Variants in LAMC1 observed in about 807,000 individuals in gnomAD.
The protein encoded by LAMC1 is laminin subunit gamma 1, also known as laminin subunit gamma-1.
A neutral mutation model predicts 173.6 loss-of-function variants in LAMC1; 38 were observed. That is an observed-to-expected ratio of 0.22 (90% CI 0.17 to 0.29). The LOEUF (loss-of-function observed/expected upper bound fraction) is 0.29. LAMC1 is among the 10% of genes least tolerant of loss of function. The pLI, the probability that LAMC1 is intolerant of heterozygous loss-of-function variation, is 1.00. For synonymous variants in LAMC1, 746 were observed against 749.1 expected, an observed-to-expected ratio of 1.00 and a Z score of 0.07; for missense variants, 1,824 against 2,051.8, an observed-to-expected ratio of 0.89 and a Z score of 2.14.
chr1:183,118,244 CT>C (rs1282060606), intron 11 of LAMC1, 98 bp downstream of exon 11: 1 of 683,234 alleles, frequency 1.5e-6, no homozygotes, highest in Non-Finnish European at 2.6e-6. Flanking sequence ...TAATATAACA[CT>C]GAGAAGTGTA....
At position 183,143,852 on chromosome 1, in the gene LAMC1, G is replaced by A. The variant is rs1657184129; in HGVS notation, c.*1062G>A. 6.6e-6 allele frequency: 1 copy of A among 152,186 alleles called. No homozygotes were observed. Among genetic ancestry groups the A allele is most frequent in the Non-Finnish European group, 1.5e-5 (1 of 68,040 alleles). The allele number at this position is 152,186 out of a possible 1,614,324, so 9.4% of individuals were successfully genotyped here. A position where few individuals can be genotyped will look rare whatever the true frequency, so the allele number is the denominator to read the frequency against. ...CCATTTGTTCTTCTGTTGGAGAGAT[G>A]AGACATTTGACCCTTAGCTCCAGTT... On this transcript the variant is annotated 3_prime_UTR_variant, in exon 28 of 28. Transcript: ENST00000258341.
At chr1:183,042,046 A>T (rs1654149261) in intron 1 of LAMC1, among the ~76,000 whole-genome samples, 1 of 152,220 alleles carries the variant, frequency 6.6e-6, no homozygotes, top group Non-Finnish European at 1.5e-5. Flanking sequence ...AGAGTAAGTC[A>T]CTGTATCAAA....
At chr1:183,076,079 G>A (rs191594885) in intron 1 of LAMC1, among the ~76,000 whole-genome samples, 10 of 152,296 alleles carry the variant, frequency 6.6e-5, no homozygotes, top group African/African-American at 2.2e-4. Flanking sequence ...CATAAGCAAT[G>A]GCTCATAAAA....
At chr1:183,133,027 C>T (rs570095841) in intron 21 of LAMC1, among the ~76,000 whole-genome samples, 6 of 152,222 alleles carry the variant, frequency 3.9e-5, no homozygotes, top group South Asian at 2.1e-4. Context: ...TCTCCTGCCT[C>T]GGCCTCCTGA....
chr1:183,040,303 CA>C (rs1654093728), intron 1 of LAMC1, among the ~76,000 whole-genome samples: 1 of 152,134 alleles, frequency 6.6e-6, no homozygotes, highest in Non-Finnish European at 1.5e-5. Flanking sequence ...ATAATGGACA[CA>C]TGGGAGTTTG....
rs1308179212 is a variant in LAMC1, at chr1:183,099,051, T to A, written c.419-4277T>A. 7.9e-5 allele frequency among the ~76,000 whole-genome samples: 12 copies of A among 152,070 alleles called. No individual in the cohort carries two copies. In the East Asian group the frequency reaches 2.3e-3, roughly 29 times the overall value. On this transcript the variant is annotated intron_variant, in intron 1 of 27. Coordinates refer to ENST00000258341, the MANE Select transcript of LAMC1 (RefSeq NM_002293.4). ...AGACTACATGGTAGATTAACTACACTCACTGTGTCTGCCTGCTGTCTATTC... is the reference window on the plus strand; with the variant it reads ...AGACTACATGGTAGATTAACTACACACACTGTGTCTGCCTGCTGTCTATTC...
chr1:183,123,710 TTTA>T (rs1656543677), intron 13 of LAMC1, among the ~76,000 whole-genome samples: 1 of 152,214 alleles, frequency 6.6e-6, no homozygotes, highest in South Asian at 2.1e-4. Flanking sequence ...AGTAATCTTG[TTTA>T]TTTGTATGTC....
intron 26 of LAMC1, among the ~76,000 whole-genome samples, chr1:183,140,101 G>A (rs729672): frequency 0.51 from 76,707 of 150,816 alleles, 20,312 homozygotes; most frequent in South Asian, 0.64. Context: ...ATATATTATT[G>A]AGTTAGAATG....
intron 26 of LAMC1, chr1:183,138,623 A>G (rs1454638177): frequency 6.6e-6 from 1 of 152,204 alleles, no homozygotes; most frequent in Non-Finnish European, 1.5e-5. Flanking sequence ...TAATCTCAGT[A>G]AAAACTCTAG....
intron 13 of LAMC1, among the ~76,000 whole-genome samples, chr1:183,122,840 G>A (rs918208562): frequency 6.6e-6 from 1 of 152,092 alleles, no homozygotes; most frequent in Non-Finnish European, 1.5e-5. Flanking sequence ...TCATTGATGA[G>A]CCAAATCAGC....
intron 1 of LAMC1, among the ~76,000 whole-genome samples, chr1:183,034,293 T>C (rs1017902650): frequency 4.0e-5 from 6 of 151,862 alleles, no homozygotes; most frequent in African/African-American, 4.8e-5. Flanking sequence ...TTTTCTGAGA[T>C]GGAGTCTCAC....
intron 27 of LAMC1, 30 bp downstream of exon 27, chr1:183,140,533 T>C (rs1657085533): frequency 6.9e-7 from 1 of 1,445,302 alleles, no homozygotes; most frequent in Non-Finnish European, 9.7e-7. Context: ...TTTTTGTCAG[T>C]CTCTGAATCT....
intron 23 of LAMC1, 72 bp downstream of exon 23, chr1:183,134,881 G>A (rs1656894485): frequency 6.8e-7 from 1 of 1,477,936 alleles, no homozygotes; most frequent in Non-Finnish European, 9.3e-7. Flanking sequence ...CTGTGATGAT[G>A]CCGTACTTTC....
rs1389427964 is a variant in LAMC1, at chr1:183,122,075, G to C, written c.2225G>C (p.Cys742Ser). The part of the protein sequence containing the change: ...TCDPETGVCN[C>S]RDNTAGPHCE... ...GCCTTCCAAATAGGTGTTTGTAACTGCAGAGACAATACGGCTGGCCCGCAC... is the reference window on the plus strand; with the variant it reads ...GCCTTCCAAATAGGTGTTTGTAACTCCAGAGACAATACGGCTGGCCCGCAC... The change falls in exon 13 of 28, where the codon TGC (cysteine) becomes TCC (serine). Residue 742 changes from cysteine to serine, a missense_variant. By Grantham distance (112) the Cys-to-Ser change is moderately radical. Transcript: ENST00000258341. 1 of 1,613,586 alleles carries C rather than the reference G, an allele frequency of 6.2e-7. No individual in the cohort carries two copies. The highest frequency in any genetic ancestry group is 8.5e-7 in the Non-Finnish European group (1 of 1,179,698).
intron 1 of LAMC1, among the ~76,000 whole-genome samples, chr1:183,064,359 C>T (rs1203725660): frequency 1.3e-5 from 2 of 152,126 alleles, no homozygotes; most frequent in Non-Finnish European, 2.9e-5. Context: ...AGGCTATAAA[C>T]CTGTATAGCA....
At chr1:183,098,622 T>G (rs1267331407) in intron 1 of LAMC1, among the ~76,000 whole-genome samples, 1 of 152,234 alleles carries the variant, frequency 6.6e-6, no homozygotes, top group Non-Finnish European at 1.5e-5. Context: ...TTATAAAGTT[T>G]CTACACTCTG....
chr1:183,064,456 C>T (rs1654816968), intron 1 of LAMC1, among the ~76,000 whole-genome samples: 1 of 152,082 alleles, frequency 6.6e-6, no homozygotes, highest in Non-Finnish European at 1.5e-5. Flanking sequence ...TGCTTCTGGT[C>T]ACAAAAACAT....
chr1:183,063,210 T>C (rs775203193), intron 1 of LAMC1, among the ~76,000 whole-genome samples: 3 of 152,240 alleles, frequency 2.0e-5, no homozygotes, highest in South Asian at 4.1e-4. Context: ...TTGTTTTACA[T>C]GTTGAGTCTA....
chr1:183,134,829 C>T lies in LAMC1; in HGVS notation c.3999+20C>T, dbSNP rs748118857. 58 of 1,606,578 alleles carry T rather than the reference C, an allele frequency of 3.6e-5. No homozygotes were observed. Among genetic ancestry groups the T allele is most frequent in the African/African-American group, 1.9e-4 (14 of 74,250 alleles). On this transcript the variant is annotated intron_variant, in intron 23 of 27. Transcript: ENST00000258341. ...CAGCAGGTTGGTTTGATTTGCAGGT[C>T]GCTTCATTTCTTGAGGCAACATTTG...
Sources: allele counts gnomAD v4.1 joint callset (sites outside exome capture counted in the v4.1 genomes callset), GRCh38; gene constraint gnomAD v4.1.1; transcripts MANE v1.5; gene names NCBI Gene and HGNC (gene_info 2026-07-23, HGNC 2026-07-21).